ZNF804B: variants seen among roughly 807,000 people sequenced by gnomAD.
ZNF804B encodes zinc finger 804B.
A neutral mutation model predicts 101.4 loss-of-function variants in ZNF804B; 80 were observed. The ratio of observed to expected loss-of-function variants is 0.79; its 90% confidence interval spans 0.66 to 0.95. ZNF804B has a LOEUF of 0.95. ZNF804B is among the 40% of genes least tolerant of loss of function. ZNF804B has a pLI of 0.00. For missense variants in ZNF804B, 1,673 were observed against 1,561.9 expected (o/e 1.07, Z -1.20); for synonymous variants, 622 against 558.8 (o/e 1.11, Z -1.59).
rs554810417 is a variant in ZNF804B at position 89,252,344 on chromosome 7, G to A, written c.249+34049G>A. 2.6e-5 allele frequency among the ~76,000 whole-genome samples: 4 copies of A among 152,156 alleles called. No individual in the cohort carries two copies. In the South Asian group the frequency reaches 6.2e-4, roughly 24 times the overall value. On this transcript the variant is annotated intron_variant, in intron 2 of 3. Coordinates refer to ENST00000333190, the MANE Select transcript of ZNF804B (RefSeq NM_181646.5). ...ATGAGATACCATCTCACATCAGTCA[G>A]AATGGCTATTATTAAAAGTAAAAAG...
Position 89,155,897 on chromosome 7 carries a change from CTTCT to C in ZNF804B, c.109-62245_109-62242del, listed in dbSNP as rs372413958. On this transcript the variant is annotated intron_variant, in intron 1 of 3. Coordinates refer to ENST00000333190, the MANE Select transcript of ZNF804B (RefSeq NM_181646.5). ...TCTTCCTCCTTCCTTCTCTCTCTTT[CTTCT>C]TTCTTTCTTTCTCTTTCTTTCCCTT... 4.2e-4 allele frequency among the ~76,000 whole-genome samples: 63 copies of C among 151,738 alleles called. No homozygotes were observed. In the East Asian group the frequency reaches 7.4e-3, roughly 18 times the overall value.
chr7:88,963,706 A>C (rs533817928), intron 1 of ZNF804B, among the ~76,000 whole-genome samples: 1 of 151,494 alleles, frequency 6.6e-6, no homozygotes, highest in East Asian at 2.0e-4. Context: ...ACTTTTTTTT[A>C]CATCATAGAA....
chr7:89,008,070 T>C (rs1788396373), intron 1 of ZNF804B, among the ~76,000 whole-genome samples: 1 of 152,122 alleles, frequency 6.6e-6, no homozygotes, highest in African/African-American at 2.4e-5. Flanking sequence ...AGAAAATCGG[T>C]TAAAGTTATT....
Position 88,927,633 on chromosome 7 carries a change from G to GCT in ZNF804B, c.108+167564_108+167565dup, listed in dbSNP as rs148581670. Among the ~76,000 whole-genome samples the GCT allele has an allele frequency of 1.1e-4, 17 of 149,792 alleles. No individual in the cohort carries two copies. The South Asian group carries it at 1.3e-3, about 11-fold the overall frequency. ...TCTGCAGAATATTTCTTTCTCTCTTGCTCTCTCTCTCTCTCTGTCTTGTTC... is the reference window on the plus strand; with the variant it reads ...TCTGCAGAATATTTCTTTCTCTCTTGCTCTCTCTCTCTCTCTCTGTCTTGTTC... On this transcript the variant is annotated intron_variant, in intron 1 of 3. Transcript: ENST00000333190.
chr7:88,879,567 G>C (rs1401170402), intron 1 of ZNF804B, among the ~76,000 whole-genome samples: 2 of 152,112 alleles, frequency 1.3e-5, no homozygotes, highest in African/African-American at 2.4e-5. Flanking sequence ...TACATCTAAA[G>C]GAAGTCAGTG....
At chr7:88,977,856 G>A (rs558547602) in intron 1 of ZNF804B, among the ~76,000 whole-genome samples, 91 of 150,618 alleles carry the variant, frequency 6.0e-4, no homozygotes, top group African/African-American at 2.2e-3. Flanking sequence ...TTTTTTTAAT[G>A]TTTGCCCTTA....
Position 88,872,865 on chromosome 7 carries a change from A to G in ZNF804B, c.108+112781A>G, listed in dbSNP as rs555678329. ...GTGCCACATTTTCTTAATCCAGTCT[A>G]TCATTGTTGGACATTTGGGTTGGTT... On this transcript the variant is annotated intron_variant, in intron 1 of 3. Coordinates refer to ENST00000333190, the MANE Select transcript of ZNF804B (RefSeq NM_181646.5). Among the ~76,000 whole-genome samples, 8 of 150,924 alleles carry G rather than the reference A, an allele frequency of 5.3e-5. No individual in the cohort carries two copies. In the East Asian group the frequency reaches 1.6e-3, roughly 29 times the overall value.
At chr7:89,171,121 C>T (rs537513217) in intron 1 of ZNF804B, among the ~76,000 whole-genome samples, 3 of 152,072 alleles carry the variant, frequency 2.0e-5, no homozygotes, top group Non-Finnish European at 2.9e-5. Context: ...CTGTGGTTTC[C>T]GGTCAATTTA....
At chr7:89,154,029 T>C (rs539859666) in intron 1 of ZNF804B, among the ~76,000 whole-genome samples, 2 of 148,304 alleles carry the variant, frequency 1.3e-5, no homozygotes, top group Non-Finnish European at 3.0e-5. Context: ...CACAAACAAA[T>C]CCATAGGAAA....
intron 2 of ZNF804B, among the ~76,000 whole-genome samples, chr7:89,246,330 C>A (rs1277194405): frequency 6.6e-6 from 1 of 152,160 alleles, no homozygotes; most frequent in East Asian, 1.9e-4. Flanking sequence ...CAGCTGCTAC[C>A]CTGAGATCAT....
At chr7:88,838,804 A>C (rs1299067104) in intron 1 of ZNF804B, among the ~76,000 whole-genome samples, 1 of 152,108 alleles carries the variant, frequency 6.6e-6, no homozygotes, top group Admixed American at 6.6e-5. Context: ...TGAACTAATA[A>C]ATATAAAAGT....
intron 1 of ZNF804B, among the ~76,000 whole-genome samples, chr7:88,910,142 G>A (rs1373804665): frequency 2.0e-5 from 3 of 151,872 alleles, no homozygotes; most frequent in African/African-American, 7.2e-5. Flanking sequence ...TGTGGAGACA[G>A]CCTTAGGCTC....
Position 88,874,886 on chromosome 7 carries a change from CA to C in ZNF804B, c.108+114806del, listed in dbSNP as rs897211534. On this transcript the variant is annotated intron_variant, in intron 1 of 3. Transcript: ENST00000333190. ...TTTCAGCACCACACCACACCTATTCCAAAATTGACCACATACTTGGAAGTAA... is the reference window on the plus strand; with the variant it reads ...TTTCAGCACCACACCACACCTATTCCAAATTGACCACATACTTGGAAGTAA... Among the ~76,000 whole-genome samples, 320 of 146,168 alleles carry C rather than the reference CA, an allele frequency of 2.2e-3. 1 individual carries two copies. Among genetic ancestry groups the C allele is most frequent in the African/African-American group, 7.6e-3 (295 of 38,638 alleles).
At chr7:88,976,769 A>G (rs942584507) in intron 1 of ZNF804B, among the ~76,000 whole-genome samples, 1 of 151,620 alleles carries the variant, frequency 6.6e-6, no homozygotes, top group Middle Eastern at 3.2e-3. Context: ...TTCCAGTACT[A>G]TATTAAATAA....
At chr7:88,959,683 G>C (rs1793362638) in intron 1 of ZNF804B, among the ~76,000 whole-genome samples, 1 of 151,360 alleles carries the variant, frequency 6.6e-6, no homozygotes, top group Non-Finnish European at 1.5e-5. Flanking sequence ...ACTGATAGCT[G>C]CTCTCATCTC....
chr7:89,009,728 G>A (rs1438781337), intron 1 of ZNF804B, among the ~76,000 whole-genome samples: 5 of 152,194 alleles, frequency 3.3e-5, no homozygotes, highest in African/African-American at 1.2e-4. Flanking sequence ...GAACCAGAAA[G>A]TGGGACCTCA....
chr7:88,947,152 A>G (rs916202060), intron 1 of ZNF804B, among the ~76,000 whole-genome samples: 2 of 152,032 alleles, frequency 1.3e-5, no homozygotes, highest in South Asian at 2.1e-4. Context: ...TGACCCAGCA[A>G]TCCCATTACT....
intron 2 of ZNF804B, among the ~76,000 whole-genome samples, chr7:89,288,924 G>T (rs1790245912): frequency 6.6e-6 from 1 of 152,124 alleles, no homozygotes; most frequent in African/African-American, 2.4e-5. Flanking sequence ...ATAGGTCAAT[G>T]AGAAGAAATA....
At chr7:89,190,816 G>T (rs960615536) in intron 1 of ZNF804B, among the ~76,000 whole-genome samples, 1 of 152,106 alleles carries the variant, frequency 6.6e-6, no homozygotes, top group Non-Finnish European at 1.5e-5. Context: ...TCAGCAAAAA[G>T]ATTTTTACTC....
Sources: gnomAD v4.1 joint callset for allele counts (sites outside exome capture counted in the v4.1 genomes callset) on GRCh38, gnomAD v4.1.1 for gene constraint, MANE v1.5 for transcripts, NCBI Gene and HGNC (gene_info 2026-07-23, HGNC 2026-07-21) for gene names.